Variants in MAN2A1 observed in about 807,000 individuals in gnomAD.
The protein encoded by MAN2A1 is mannosidase alpha class 2A member 1.
MAN2A1 carries 76 observed loss-of-function variants against 142.6 expected under a neutral mutation model. The observed-to-expected ratio is 0.53, with a 90% CI of 0.44 to 0.65. The LOEUF is 0.65. Among genes scored for constraint, MAN2A1 ranks in the 30% least tolerant of loss-of-function variants. The probability of loss-of-function intolerance (pLI) is 0.00; values close to 1 mark genes in which losing one functional copy is unlikely to be tolerated. For missense variants in MAN2A1, 1,311 were observed against 1,365.1 expected, an observed-to-expected ratio of 0.96 and a Z score of 0.62; for synonymous variants, 559 against 473.2, an observed-to-expected ratio of 1.18 and a Z score of -2.35.
chr5:109,817,189 TG>T, intron 12 of MAN2A1, 83 bp from the exon 13 acceptor site: 2 of 1,147,946 alleles, frequency 1.7e-6, no homozygotes, highest in South Asian at 1.4e-5. Context: ...TATATGTATA[TG>T]TATATGTATA....
chr5:109,724,243 T>A (rs1021837248), intron 3 of MAN2A1, among the ~76,000 whole-genome samples: 2 of 151,818 alleles, frequency 1.3e-5, no homozygotes, highest in African/African-American at 4.8e-5. Context: ...AATTACTAGA[T>A]GAGAACAATA....
rs191472015 is a variant in MAN2A1 at position 109,749,724 on chromosome 5, T to A, written c.708-5605T>A. 5.6e-4 allele frequency among the ~76,000 whole-genome samples: 85 copies of A among 152,192 alleles called. 1 individual carries two copies. The highest frequency in any genetic ancestry group is 6.8e-3 in the Middle Eastern group (2 of 294). ...CTGTGGTGTGGGCACATCTTTTTTT[T>A]AAATTTTAATTAAATTTTAATTTAA... On this transcript the variant is annotated intron_variant, in intron 4 of 21. Coordinates refer to ENST00000261483, the MANE Select transcript of MAN2A1 (RefSeq NM_002372.4).
At chr5:109,691,334 C>T (rs527511145) in intron 1 of MAN2A1, among the ~76,000 whole-genome samples, 1 of 152,246 alleles carries the variant, frequency 6.6e-6, no homozygotes, top group African/African-American at 2.4e-5. Context: ...GGGTATCCAC[C>T]GCGCGGCATG....
At chr5:109,840,806 C>T (rs1202778098) in intron 16 of MAN2A1, 6 of 245,902 alleles carry the variant, frequency 2.4e-5, no homozygotes, top group Middle Eastern at 1.6e-3. Context: ...TGTGGTGCGC[C>T]GGAGTCCTGA....
At chr5:109,833,534 G>A (rs1754982998) in intron 16 of MAN2A1, among the ~76,000 whole-genome samples, 2 of 152,132 alleles carry the variant, frequency 1.3e-5, no homozygotes, top group Admixed American at 6.5e-5. Flanking sequence ...GTCAGGCGTG[G>A]AGGCGTGCGC....
At chr5:109,815,233 TA>T (rs1228667870) in intron 12 of MAN2A1, among the ~76,000 whole-genome samples, 1 of 152,178 alleles carries the variant, frequency 6.6e-6, no homozygotes, top group Non-Finnish European at 1.5e-5. Context: ...AGGCGAAATG[TA>T]ATCTCTGGTA....
intron 18 of MAN2A1, 137 bp from the exon 19 acceptor site, chr5:109,847,513 TGTAGTGG>T: frequency 3.7e-6 from 2 of 540,564 alleles, no homozygotes; most frequent in Non-Finnish European, 5.9e-6. Context: ...AAGCCCATGG[TGTAGTGG>T]GTTGTATAAA....
At chr5:109,799,008 A>T (rs567774124) in intron 12 of MAN2A1, among the ~76,000 whole-genome samples, 32 of 152,068 alleles carry the variant, frequency 2.1e-4, no homozygotes, top group Non-Finnish European at 3.7e-4. Flanking sequence ...TGTTTTTTAA[A>T]TGTGTCTCAA....
chr5:109,822,109 A>G (rs1461622665), intron 15 of MAN2A1, among the ~76,000 whole-genome samples: 1 of 151,092 alleles, frequency 6.6e-6, no homozygotes, highest in African/African-American at 2.4e-5. Context: ...GGCTACAGTA[A>G]GGACTCTAGG....
chr5:109,725,914 A>G (rs992484750), intron 3 of MAN2A1, among the ~76,000 whole-genome samples: 2 of 142,594 alleles, frequency 1.4e-5, no homozygotes, highest in African/African-American at 4.9e-5. Context: ...TTTAGAACTT[A>G]AAAAAAAATA....
At chr5:109,843,300 G>A (rs1015690546) in intron 17 of MAN2A1, among the ~76,000 whole-genome samples, 1 of 152,076 alleles carries the variant, frequency 6.6e-6, no homozygotes, top group Non-Finnish European at 1.5e-5. Flanking sequence ...AAGCCCAGGG[G>A]AACTGCCATT....
chr5:109,771,983 A>G (rs572126572), intron 7 of MAN2A1, among the ~76,000 whole-genome samples: 7 of 152,142 alleles, frequency 4.6e-5, no homozygotes, highest in South Asian at 2.1e-4. Context: ...CCTTTCAACA[A>G]TTGCCCCTCA....
intron 17 of MAN2A1, among the ~76,000 whole-genome samples, chr5:109,843,119 G>C (rs1755255269): frequency 6.6e-6 from 1 of 151,994 alleles, no homozygotes; most frequent in Non-Finnish European, 1.5e-5. Context: ...TTTTGTATTA[G>C]CCCACTCTCA....
intron 3 of MAN2A1, among the ~76,000 whole-genome samples, chr5:109,721,553 G>C (rs948673218): frequency 6.6e-6 from 1 of 152,098 alleles, no homozygotes; most frequent in Non-Finnish European, 1.5e-5. Context: ...ATTCAACTTG[G>C]CTGTGCATTT....
At position 109,779,420 on chromosome 5, in the gene MAN2A1, CAG is replaced by C. The variant is rs1753385574; in HGVS notation, c.1375-1974_1375-1973del. 2.0e-5 allele frequency among the ~76,000 whole-genome samples: 3 copies of C among 152,116 alleles called. No homozygotes were observed. The South Asian group carries it at 6.2e-4, about 31-fold the overall frequency. On this transcript the variant is annotated intron_variant, in intron 8 of 21. Transcript: ENST00000261483. ...TTTTATGTTTGAGGAAAGTGAGACT[CAG>C]AAATATTTAGATCGTAGACTATTTT...
chr5:109,778,929 T>G (rs942877990), intron 8 of MAN2A1, among the ~76,000 whole-genome samples: 1 of 152,184 alleles, frequency 6.6e-6, no homozygotes, highest in African/African-American at 2.4e-5. Context: ...TTTTGCCATT[T>G]GATCATCATT....
At chr5:109,763,688 G>A (rs1752915458) in intron 5 of MAN2A1, among the ~76,000 whole-genome samples, 1 of 151,846 alleles carries the variant, frequency 6.6e-6, no homozygotes. Flanking sequence ...AAAGAATTTA[G>A]GACATGTTAT....
intron 4 of MAN2A1, 48 bp from the exon 5 acceptor site, chr5:109,755,281 A>G: frequency 2.7e-6 from 4 of 1,457,260 alleles, no homozygotes; most frequent in Non-Finnish European, 3.8e-6. Context: ...TTTCATTTGA[A>G]CTTTTCTTAA....
chr5:109,806,577 A>T (rs1394380087), intron 12 of MAN2A1, among the ~76,000 whole-genome samples: 2 of 152,194 alleles, frequency 1.3e-5, no homozygotes, highest in Non-Finnish European at 2.9e-5. Context: ...CTGCCCCAGT[A>T]ATATTTTCTA....
Sources: allele counts gnomAD v4.1 joint callset (sites outside exome capture counted in the v4.1 genomes callset), GRCh38; gene constraint gnomAD v4.1.1; transcripts MANE v1.5; gene names NCBI Gene and HGNC (gene_info 2026-07-23, HGNC 2026-07-21).